The following SYNPR variants were observed in gnomAD, a reference collection of about 807,000 sequenced individuals.
SYNPR encodes the protein synaptoporin.
A neutral mutation model predicts 32.9 loss-of-function variants in SYNPR; 23 were observed. The observed-to-expected ratio is 0.70, with a 90% CI of 0.50 to 0.99. The LOEUF is 0.99. SYNPR is among the 50% of genes least tolerant of loss of function. SYNPR has a pLI of 0.00. For synonymous variants in SYNPR, 146 were observed against 135.9 expected, an observed-to-expected ratio of 1.07 and a Z score of -0.52; for missense variants, 318 against 349.3, an observed-to-expected ratio of 0.91 and a Z score of 0.71.
At chr3:63,220,420 C>A in the SYNPR span, among the ~76,000 whole-genome samples, 1 of 152,144 alleles carries the variant, frequency 6.6e-6, no homozygotes, top group African/African-American at 2.4e-5. Context: ...TCCTTGAAGT[C>A]TTCCCTCCTG....
chr3:63,229,030 T>C (rs1560162547), intron 1 of SYNPR, among the ~76,000 whole-genome samples: 1 of 152,190 alleles, frequency 6.6e-6, no homozygotes, highest in Non-Finnish European at 1.5e-5. Context: ...CTCCTATGCC[T>C]CTGTTCAGAA....
chr3:63,529,071 T>G (rs565263009), intron 3 of SYNPR, among the ~76,000 whole-genome samples: 3 of 152,094 alleles, frequency 2.0e-5, no homozygotes, highest in African/African-American at 7.2e-5. Context: ...GTTTGATCAC[T>G]AGCTTGCCTG....
chr3:63,387,002 G>A (rs577907285), intron 2 of SYNPR, among the ~76,000 whole-genome samples: 1 of 152,294 alleles, frequency 6.6e-6, no homozygotes, highest in African/African-American at 2.4e-5. Flanking sequence ...TCTGGGATCA[G>A]TTTGTTATTT....
At chr3:63,450,948 A>ACTAT (rs1171097620) in intron 2 of SYNPR, among the ~76,000 whole-genome samples, 1 of 152,148 alleles carries the variant, frequency 6.6e-6, no homozygotes, top group East Asian at 1.9e-4. Context: ...CAAAAAGAAA[A>ACTAT]CTATCTTCTA....
At chr3:63,373,041 C>T (rs1410766134) in intron 2 of SYNPR, among the ~76,000 whole-genome samples, 1 of 152,038 alleles carries the variant, frequency 6.6e-6, no homozygotes, top group Non-Finnish European at 1.5e-5. Flanking sequence ...GCAAAAACCC[C>T]CAGCCCTCTA....
At chr3:63,336,210 T>C (rs1430552079) in intron 2 of SYNPR, among the ~76,000 whole-genome samples, 1 of 151,974 alleles carries the variant, frequency 6.6e-6, no homozygotes, top group African/African-American at 2.4e-5. Context: ...TAAAAGAGTA[T>C]GTATAATATT....
At chr3:63,449,511 C>A (rs74653517) in intron 2 of SYNPR, among the ~76,000 whole-genome samples, 6,730 of 152,218 alleles carry the variant, frequency 0.044, 263 homozygotes, top group East Asian at 0.15. Context: ...GTAGCAATCT[C>A]CCCACCCAAC....
intron 2 of SYNPR, among the ~76,000 whole-genome samples, chr3:63,279,785 G>T (rs946253261): frequency 2.0e-5 from 3 of 152,190 alleles, no homozygotes. Flanking sequence ...TAACTGTGAT[G>T]ATTGTTTACA....
chr3:63,277,464 T>G (rs760715991), upstream of SYNPR, among the ~76,000 whole-genome samples: 7 of 152,212 alleles, frequency 4.6e-5, no homozygotes, highest in Non-Finnish European at 7.3e-5. Context: ...CCCAGTGTTA[T>G]ATTTATGAGT....
At chr3:63,416,493 A>G (rs146005055) in intron 2 of SYNPR, among the ~76,000 whole-genome samples, 2 of 146,502 alleles carry the variant, frequency 1.4e-5, no homozygotes, top group Non-Finnish European at 3.0e-5. Flanking sequence ...GATTGTGCCA[A>G]TGTACTCCAG....
intron 4 of SYNPR, among the ~76,000 whole-genome samples, chr3:63,607,835 C>T (rs768601018): frequency 3.9e-5 from 6 of 152,130 alleles, no homozygotes; most frequent in Non-Finnish European, 8.8e-5. Flanking sequence ...TAAAAGTTCC[C>T]TCAGTGTAGA....
intron 3 of SYNPR, among the ~76,000 whole-genome samples, chr3:63,555,603 G>A (rs1267508618): frequency 6.6e-6 from 1 of 152,064 alleles, no homozygotes; most frequent in Admixed American, 6.5e-5. Flanking sequence ...ATTGAGCCTG[G>A]ATGCTATCCT....
chr3:63,524,803 T>C (rs1213182060), intron 3 of SYNPR, among the ~76,000 whole-genome samples: 2 of 151,170 alleles, frequency 1.3e-5, no homozygotes, highest in East Asian at 3.9e-4. Flanking sequence ...AAGTATGGAG[T>C]TCAAAATGCA....
intron 2 of SYNPR, among the ~76,000 whole-genome samples, chr3:63,384,973 G>A (rs1390100907): frequency 6.6e-6 from 1 of 152,046 alleles, no homozygotes; most frequent in East Asian, 1.9e-4. Context: ...GCATGCTTGA[G>A]GTGGAAAAAC....
intron 3 of SYNPR, among the ~76,000 whole-genome samples, chr3:63,508,986 T>A (rs1306957114): frequency 6.6e-6 from 1 of 152,032 alleles, no homozygotes; most frequent in African/African-American, 2.4e-5. Flanking sequence ...TTATAGACTT[T>A]TAACAAATAG....
intron 2 of SYNPR, among the ~76,000 whole-genome samples, chr3:63,306,138 T>C (rs1431679530): frequency 6.6e-6 from 1 of 151,996 alleles, no homozygotes; most frequent in Non-Finnish European, 1.5e-5. Flanking sequence ...AAGAGTAACA[T>C]TTGTACCTTC....
At chr3:63,256,036 T>C (rs931532048) in intron 2 of SYNPR, among the ~76,000 whole-genome samples, 1 of 152,180 alleles carries the variant, frequency 6.6e-6, no homozygotes, top group African/African-American at 2.4e-5. Context: ...GCGCCCGCCA[T>C]TGCCAAGGCT....
chr3:63,355,381 T>A (rs1453819067), intron 2 of SYNPR, among the ~76,000 whole-genome samples: 1 of 152,062 alleles, frequency 6.6e-6, no homozygotes, highest in East Asian at 1.9e-4. Context: ...TAGAGGCTAC[T>A]GAAGGACCCA....
chr3:63,221,111 C>G, the SYNPR span, among the ~76,000 whole-genome samples: 1 of 152,106 alleles, frequency 6.6e-6, no homozygotes, highest in African/African-American at 2.4e-5. Flanking sequence ...ATATGAACAT[C>G]TTACATTTGA....
Sources: gnomAD v4.1 joint callset for allele counts (sites outside exome capture counted in the v4.1 genomes callset) on GRCh38, gnomAD v4.1.1 for gene constraint, MANE v1.5 for transcripts, NCBI Gene and HGNC (gene_info 2026-07-23, HGNC 2026-07-21) for gene names.